Variants in PRDM4 observed in about 807,000 individuals in gnomAD.
PRDM4 encodes PR/SET domain 4.
A neutral mutation model predicts 62.3 loss-of-function variants in PRDM4; 38 were observed. That is an observed-to-expected ratio of 0.61 (90% CI 0.47 to 0.80). The LOEUF (loss-of-function observed/expected upper bound fraction) is 0.80. Ranked by LOEUF, PRDM4 falls within the 30% of genes least tolerant of loss-of-function variation. PRDM4 has a pLI of 0.00. For synonymous variants in PRDM4, 339 were observed against 348.2 expected (o/e 0.97, Z 0.30); for missense variants, 858 against 997.1 (o/e 0.86, Z 1.88).
chr12:107,742,367 T>C lies in PRDM4; in HGVS notation c.1482-19A>G, dbSNP rs1313976086. The C allele has an allele frequency of 3.1e-6, 5 of 1,612,386 alleles. No homozygotes were observed. The highest frequency in any genetic ancestry group is 1.6e-4 in the Middle Eastern group (1 of 6,074). ...CCGGTTCCTGAGTTATCACATTTAATAGATCAAGCACATTAATTTTGAAAT... is the reference window on the plus strand; with the variant it reads ...CCGGTTCCTGAGTTATCACATTTAACAGATCAAGCACATTAATTTTGAAAT... On this transcript the variant is annotated intron_variant, in intron 8 of 11. Transcript: ENST00000228437.
At chr12:107,739,169 AAAAG>A in intron 11 of PRDM4, 1 of 486,060 alleles carries the variant, frequency 2.1e-6, no homozygotes, top group Non-Finnish European at 3.6e-6. Context: ...AAAAGTAAGA[AAAAG>A]AAAGCCAACA....
chr12:107,755,887 C>A (rs1240642265), intron 3 of PRDM4, among the ~76,000 whole-genome samples: 1 of 152,178 alleles, frequency 6.6e-6, no homozygotes, highest in African/African-American at 2.4e-5. Flanking sequence ...GAGTTCGAGA[C>A]CAGCCTGGCT....
Position 107,760,953 on chromosome 12 carries a change from C to T in PRDM4, c.-257+4G>A, listed in dbSNP as rs1251931071. 6.8e-6 allele frequency: 1 copy of T among 146,806 alleles called. No homozygotes were observed. 9.1% of individuals were successfully genotyped at this position (146,806 alleles called of 1,614,324 possible). A position where few individuals can be genotyped will look rare whatever the true frequency, so the allele number is the denominator to read the frequency against. On this transcript the variant is annotated splice_donor_region_variant and intron_variant, in intron 1 of 11. Coordinates refer to ENST00000228437, the MANE Select transcript of PRDM4 (RefSeq NM_012406.4). Reference sequence around the variant, plus strand: ...CGCTCCGGCCGGGCCCGCGCGCAGCCCACCTGCCAGCTGCGCTGGGGGCGC... The same window carrying T: ...CGCTCCGGCCGGGCCCGCGCGCAGCTCACCTGCCAGCTGCGCTGGGGGCGC...
chr12:107,736,384 G>A (rs1174230614), intron 11 of PRDM4, among the ~76,000 whole-genome samples: 3 of 152,232 alleles, frequency 2.0e-5, no homozygotes, highest in African/African-American at 7.2e-5. Context: ...AACCTGAATG[G>A]AGGGAAGAAG....
chr12:107,741,280 C>A lies in PRDM4; in HGVS notation c.1610-20G>T. 6.3e-7 allele frequency: 1 copy of A among 1,584,506 alleles called. No homozygotes were observed. The highest frequency in any genetic ancestry group is 1.1e-5 in the South Asian group (1 of 88,662). On this transcript the variant is annotated intron_variant, in intron 9 of 11. Transcript: ENST00000228437. The stretch of plus-strand genomic sequence containing the variant: ...GAACACCTTTTAAAAAAAAATTACT[C>A]ATTATCTCCCAATACTTGAATCTTA...
Position 107,756,961 on chromosome 12 carries a change from T to G in PRDM4, c.16A>C (p.Asn6His), listed in dbSNP as rs1421401486. 6.2e-7 allele frequency: 1 copy of G among 1,613,928 alleles called. No homozygotes were observed. The highest frequency in any genetic ancestry group is 2.2e-5 in the East Asian group (1 of 44,900). The change falls in exon 3 of 12, where the codon AAT (asparagine) becomes CAT (histidine). Residue 6 changes from asparagine (N) to histidine (H), a missense_variant. Physicochemically the swap from Asn to His is moderately conservative, Grantham distance 68 (BLOSUM62 1). This residue lies in a region of PRDM4 where 499 missense variants were observed against 546.7 expected (regional missense o/e 0.91). Transcript: ENST00000228437. MHHRMNEMNLSPVGME... is the reference protein window; with the variant it reads MHHRMHEMNLSPVGME... ...CCCACTGGACTCAGGTTCATTTCAT[T>G]CATCCTAGAAAAGAGCACACACAAC...
chr12:107,743,984 A>G (rs1890602365), intron 7 of PRDM4, among the ~76,000 whole-genome samples: 1 of 152,044 alleles, frequency 6.6e-6, no homozygotes, highest in South Asian at 2.1e-4. Context: ...CATGATGGCA[A>G]GTGCCTGTAA....
intron 3 of PRDM4, among the ~76,000 whole-genome samples, chr12:107,755,459 C>A (rs1440609344): frequency 6.6e-6 from 1 of 152,180 alleles, no homozygotes; most frequent in Non-Finnish European, 1.5e-5. Flanking sequence ...GGAATGCCTA[C>A]AAACAATCAA....
chr12:107,739,613 C>A (rs1890448502), intron 10 of PRDM4, 62 bp from the exon 11 acceptor site: 1 of 1,515,874 alleles, frequency 6.6e-7, no homozygotes, highest in Non-Finnish European at 9.0e-7. Flanking sequence ...CCAAGACACA[C>A]AGGCACACAT....
chr12:107,759,558 CTCAAACCAGT>C (rs1179691386), intron 2 of PRDM4, among the ~76,000 whole-genome samples: 2 of 152,176 alleles, frequency 1.3e-5, no homozygotes, highest in African/African-American at 4.8e-5. Flanking sequence ...CCTAGGCCTT[CTCAAACCAGT>C]TCAAACCAGA....
rs1355937611 is a variant in PRDM4, at chr12:107,734,396, T to A, written c.2220A>T (p.Leu740=). Residue 740 remains leucine, a synonymous_variant, in exon 12 of 12, where the codon CTA becomes CTT. Coordinates refer to ENST00000228437, the MANE Select transcript of PRDM4 (RefSeq NM_012406.4). ...YVCEKCTKAY[L]TKYHLTRHLK... ...GGTGGCGGGTGAGATGGTATTTGGT[T>A]AGATAAGCCTTTGTACATTTTTCAC... 1.9e-6 allele frequency: 3 copies of A among 1,614,036 alleles called. No homozygotes were observed. In the African/African-American group the frequency reaches 4.0e-5, roughly 22 times the overall value.
chr12:107,754,248 A>AT (rs1424675188), intron 3 of PRDM4, 139 bp from the exon 4 acceptor site: 21 of 604,590 alleles, frequency 3.5e-5, no homozygotes, highest in Non-Finnish European at 5.0e-5. Context: ...ATCCTTAGAT[A>AT]ATGTGCAAAT....
At chr12:107,757,619 T>A (rs570505889) in intron 2 of PRDM4, among the ~76,000 whole-genome samples, 1 of 152,204 alleles carries the variant, frequency 6.6e-6, no homozygotes, top group Non-Finnish European at 1.5e-5. Flanking sequence ...GAACTATGGC[T>A]CAGAGAGGCC....
chr12:107,746,546 G>A (rs1053211619), intron 5 of PRDM4, 122 bp from the exon 6 acceptor site: 18 of 897,150 alleles, frequency 2.0e-5, no homozygotes, highest in Admixed American at 7.7e-5. Flanking sequence ...GTGCAATGGC[G>A]CGATTTTGGC....
chr12:107,745,892 A>G (rs1362123172), intron 6 of PRDM4, among the ~76,000 whole-genome samples: 1 of 152,216 alleles, frequency 6.6e-6, no homozygotes, highest in Non-Finnish European at 1.5e-5. Context: ...ATAATTTACA[A>G]ACATTTGATC....
chr12:107,752,105 C>G lies in PRDM4; in HGVS notation c.436G>C (p.Ala146Pro). ...CCATTGGACTGATAGGGATCTAGTGCTGAAGGGTTATTGGTGATAGATAAT... is the reference window on the plus strand; with the variant it reads ...CCATTGGACTGATAGGGATCTAGTGGTGAAGGGTTATTGGTGATAGATAAT... ...TALSITNNPSALDPYQSNGNV... is the reference protein window; with the variant it reads ...TALSITNNPSPLDPYQSNGNV... Residue 146 changes from alanine (A) to proline (P), a missense_variant, in exon 5 of 12, where the codon GCA (alanine) becomes CCA (proline). By Grantham distance (27) the Ala-to-Pro change is conservative. Coordinates refer to ENST00000228437, the MANE Select transcript of PRDM4 (RefSeq NM_012406.4). The G allele has an allele frequency of 6.2e-7, 1 of 1,609,688 alleles. No individual in the cohort carries two copies. The highest frequency in any genetic ancestry group is 8.5e-7 in the Non-Finnish European group (1 of 1,176,098).
chr12:107,745,785 A>T (rs1209979231), intron 6 of PRDM4, among the ~76,000 whole-genome samples: 1 of 152,210 alleles, frequency 6.6e-6, no homozygotes, highest in Non-Finnish European at 1.5e-5. Flanking sequence ...TTTCCAAAGA[A>T]ATGTCGCAGT....
rs780311917 is a variant in PRDM4, at chr12:107,746,301, C to T, written c.1250G>A (p.Arg417His). The change falls in exon 6 of 12, where the codon CGT becomes CAT. Residue 417 changes from arginine (R) to histidine (H), a missense_variant. Transcript: ENST00000228437. ...AACTTCTGCTCCCACAATTGACTGA[C>T]GGAGAACAAGCTGCTTTGGGAGAGA... Reference protein sequence around the residue: ...RLSLPKQLVLRQSIVGAEVGV... With the variant: ...RLSLPKQLVLHQSIVGAEVGV... 25 of 1,613,792 alleles carry T rather than the reference C, an allele frequency of 1.5e-5. No individual in the cohort carries two copies. Among genetic ancestry groups the T allele is most frequent in the African/African-American group, 5.3e-5 (4 of 74,888 alleles).
intron 5 of PRDM4, among the ~76,000 whole-genome samples, chr12:107,750,493 G>A (rs557183427): frequency 3.3e-5 from 5 of 152,252 alleles, no homozygotes; most frequent in African/African-American, 4.8e-5. Context: ...ACAGTGAGCC[G>A]TGATCGCACC....
Sources: gnomAD v4.1 joint callset for allele counts (sites outside exome capture counted in the v4.1 genomes callset) on GRCh38, gnomAD v4.1.1 for gene constraint, gnomAD v4.1.1 regional missense constraint, MANE v1.5 for transcripts, NCBI Gene and HGNC (gene_info 2026-07-23, HGNC 2026-07-21) for gene names.